EHMT1: variants seen among roughly 807,000 people sequenced by gnomAD.
EHMT1 encodes the protein euchromatic histone lysine methyltransferase 1.
A neutral mutation model predicts 147.2 loss-of-function variants in EHMT1; 15 were observed. The observed-to-expected ratio is 0.10, with a 90% CI of 0.07 to 0.16. The LOEUF (loss-of-function observed/expected upper bound fraction) is 0.16, where lower values mean the gene tolerates loss of function less well. Ranked by LOEUF, EHMT1 falls within the 10% of genes least tolerant of loss-of-function variation. EHMT1 has a pLI of 1.00. For missense variants in EHMT1, 1,587 were observed against 1,772.4 expected (o/e 0.90, Z 1.88); for synonymous variants, 795 against 709.6 (o/e 1.12, Z -1.91).
At chr9:137,692,444 T>G (rs892128174) in intron 1 of EHMT1, among the ~76,000 whole-genome samples, 1 of 151,884 alleles carries the variant, frequency 6.6e-6, no homozygotes, top group African/African-American at 2.4e-5. Flanking sequence ...TTTGTATTTT[T>G]AGTGGAAACG....
chr9:137,788,327 G>A (rs894939725), intron 15 of EHMT1: 6 of 387,926 alleles, frequency 1.5e-5, no homozygotes, highest in Non-Finnish European at 2.8e-5. Flanking sequence ...CACTCAGGGG[G>A]CCCAGGACGT....
At chr9:137,820,275 G>A (rs1018975041) in intron 25 of EHMT1, among the ~76,000 whole-genome samples, 8 of 152,236 alleles carry the variant, frequency 5.3e-5, no homozygotes, top group Non-Finnish European at 1.0e-4. Context: ...GCTCTCAAGG[G>A]ATGGCAACCT....
At chr9:137,684,535 A>G (rs1462215234) in intron 1 of EHMT1, among the ~76,000 whole-genome samples, 1 of 152,068 alleles carries the variant, frequency 6.6e-6, no homozygotes, top group Non-Finnish European at 1.5e-5. Context: ...TCTGTCACCC[A>G]TGTTGGAGTG....
intron 1 of EHMT1, among the ~76,000 whole-genome samples, chr9:137,633,906 C>T (rs966412191): frequency 8.6e-5 from 13 of 151,826 alleles, no homozygotes; most frequent in African/African-American, 9.7e-5. Flanking sequence ...CTCCGCCTCC[C>T]GGGTTCAAGC....
At chr9:137,767,808 A>C (rs193135169) in intron 10 of EHMT1, among the ~76,000 whole-genome samples, 2 of 152,230 alleles carry the variant, frequency 1.3e-5, no homozygotes, top group East Asian at 3.9e-4. Flanking sequence ...GCAAGACTCC[A>C]TCTCAAATTA....
At chr9:137,686,962 C>T (rs1264196077) in intron 1 of EHMT1, among the ~76,000 whole-genome samples, 1 of 152,040 alleles carries the variant, frequency 6.6e-6, no homozygotes, top group African/African-American at 2.4e-5. Flanking sequence ...ATCTCCTGGC[C>T]TCATGATCCA....
At chr9:137,670,458 G>C (rs1940451844) in intron 1 of EHMT1, among the ~76,000 whole-genome samples, 1 of 152,090 alleles carries the variant, frequency 6.6e-6, no homozygotes, top group Non-Finnish European at 1.5e-5. Flanking sequence ...CCGGTGCTGG[G>C]TGCAGCTCAG....
chr9:137,673,295 C>G (rs920786834), intron 1 of EHMT1, among the ~76,000 whole-genome samples: 4 of 152,186 alleles, frequency 2.6e-5, no homozygotes, highest in African/African-American at 9.7e-5. Context: ...GGTCCCTCAC[C>G]ATTCTCGACT....
chr9:137,635,592 G>C lies in EHMT1; in HGVS notation c.21+16543G>C, dbSNP rs542056529. Among the ~76,000 whole-genome samples, 4 of 151,512 alleles carry C rather than the reference G, an allele frequency of 2.6e-5. No homozygotes were observed. In the South Asian group the frequency reaches 6.3e-4, roughly 24 times the overall value. On this transcript the variant is annotated intron_variant, in intron 1 of 26. Coordinates refer to ENST00000460843, the MANE Select transcript of EHMT1 (RefSeq NM_024757.5). ...TCCCAGCACTTTGGGAGGCCGAGGT[G>C]GGTGGATCACGAGGTCAGGAGATCG...
intron 25 of EHMT1, among the ~76,000 whole-genome samples, chr9:137,831,689 G>C (rs913938387): frequency 2.0e-5 from 3 of 152,250 alleles, no homozygotes; most frequent in African/African-American, 7.2e-5. Flanking sequence ...TTGGCCCAGT[G>C]TCTGGTTCAT....
intron 4 of EHMT1, among the ~76,000 whole-genome samples, chr9:137,738,281 A>T (rs3123509): frequency 0.14 from 20,975 of 152,040 alleles, 3,364 homozygotes; most frequent in African/African-American, 0.39. Flanking sequence ...GAAGATGCAC[A>T]AATGGCCAGT....
intron 23 of EHMT1, chr9:137,816,463 AGGT>A: frequency 5.6e-5 from 19 of 338,254 alleles, no homozygotes; most frequent in Admixed American, 8.3e-5. Flanking sequence ...CCTAACAGTG[AGGT>A]GATGTCCCAA....
intron 4 of EHMT1, among the ~76,000 whole-genome samples, chr9:137,738,315 G>A (rs1282741296): frequency 2.0e-5 from 3 of 152,040 alleles, no homozygotes; most frequent in African/African-American, 4.8e-5. Context: ...GATGCTCAAC[G>A]TCACTAATCA....
intron 15 of EHMT1, chr9:137,788,158 C>T: frequency 2.5e-6 from 2 of 810,248 alleles, no homozygotes; most frequent in South Asian, 2.1e-5. Flanking sequence ...ACTGCCTTCT[C>T]CCCACTGCAC....
At chr9:137,689,633 A>G (rs1019655144) in intron 1 of EHMT1, among the ~76,000 whole-genome samples, 1 of 152,092 alleles carries the variant, frequency 6.6e-6, no homozygotes, top group Non-Finnish European at 1.5e-5. Flanking sequence ...AACCTGGGAG[A>G]CAGAGGTTGC....
chr9:137,736,678 G>A (rs1040891634), intron 4 of EHMT1, among the ~76,000 whole-genome samples: 1 of 152,214 alleles, frequency 6.6e-6, no homozygotes, highest in African/African-American at 2.4e-5. Context: ...ATCACTTGAG[G>A]TCAGGAGTTC....
chr9:137,814,803 C>G, intron 22 of EHMT1: 1 of 566,156 alleles, frequency 1.8e-6, no homozygotes, highest in Non-Finnish European at 3.2e-6. Context: ...GGAGGAGGTG[C>G]TGCTTATGTT....
At chr9:137,637,045 C>A (rs1434731118) in intron 1 of EHMT1, among the ~76,000 whole-genome samples, 3 of 149,624 alleles carry the variant, frequency 2.0e-5, no homozygotes, top group African/African-American at 7.4e-5. Flanking sequence ...CTACAGGCAC[C>A]TGCTACCACG....
chr9:137,635,373 A>G (rs185674211), intron 1 of EHMT1, among the ~76,000 whole-genome samples: 24 of 144,414 alleles, frequency 1.7e-4, no homozygotes, highest in African/African-American at 5.8e-4. Flanking sequence ...CGCCCAGCTA[A>G]TTTTTTTTTT....
Sources: allele counts gnomAD v4.1 joint callset (sites outside exome capture counted in the v4.1 genomes callset), GRCh38; gene constraint gnomAD v4.1.1; transcripts MANE v1.5; gene names NCBI Gene and HGNC (gene_info 2026-07-23, HGNC 2026-07-21).